The following LARP1B variants were observed in gnomAD, a reference collection of about 807,000 sequenced individuals.
LARP1B encodes the protein La ribonucleoprotein 1B, also known as la-related protein 1B.
A neutral mutation model predicts 114.2 loss-of-function variants in LARP1B; 76 were observed. That is an observed-to-expected ratio of 0.67 (90% confidence interval 0.55 to 0.81). The LOEUF is 0.81. Among genes scored for constraint, LARP1B ranks in the 30% least tolerant of loss-of-function variants. The probability of loss-of-function intolerance (pLI) is 0.00; values close to 1 mark genes in which losing one functional copy is unlikely to be tolerated. For synonymous variants in LARP1B, 345 were observed against 348.0 expected, an observed-to-expected ratio of 0.99 and a Z score of 0.10; for missense variants, 1,014 against 1,075.8, an observed-to-expected ratio of 0.94 and a Z score of 0.80.
At chr4:128,077,248 A>G (rs1028278355) in intron 3 of LARP1B, among the ~76,000 whole-genome samples, 2 of 152,216 alleles carry the variant, frequency 1.3e-5, no homozygotes, top group East Asian at 3.9e-4. Flanking sequence ...CGTGTATCGC[A>G]GCACTTTGGG....
chr4:128,132,897 G>C (rs1010924857), intron 11 of LARP1B, among the ~76,000 whole-genome samples: 1 of 151,774 alleles, frequency 6.6e-6, no homozygotes, highest in South Asian at 2.1e-4. Context: ...TTGTTTTTCT[G>C]CAACTAGATG....
chr4:128,196,248 CAAAAAAAAAAA>C (rs35423896), intron 15 of LARP1B, among the ~76,000 whole-genome samples: 2 of 88,614 alleles, frequency 2.3e-5, no homozygotes, highest in African/African-American at 8.8e-5. Flanking sequence ...GAGAGTCTGT[CAAAAAAAAAAA>C]AAAAAAAAGA....
At chr4:128,061,309 G>A (rs1252484023), upstream of LARP1B, 2 of 152,426 alleles carry the variant, frequency 1.3e-5, no homozygotes, top group Non-Finnish European at 2.9e-5. Context: ...CGCCTCCGCG[G>A]GCAGTTACCA....
chr4:128,197,525 C>G (rs1281541553), intron 15 of LARP1B, among the ~76,000 whole-genome samples: 1 of 152,062 alleles, frequency 6.6e-6, no homozygotes, highest in East Asian at 1.9e-4. Context: ...GAAACCCCAT[C>G]TCTACTAAAA....
At chr4:128,109,278 A>G (rs192998670) in intron 9 of LARP1B, among the ~76,000 whole-genome samples, 15 of 152,324 alleles carry the variant, frequency 9.8e-5, no homozygotes, top group Admixed American at 8.5e-4. Flanking sequence ...TGAGTAGAGA[A>G]AAGTAGTGAA....
chr4:128,096,879 C>T lies in LARP1B; in HGVS notation c.669-1307C>T, dbSNP rs144953225. On this transcript the variant is annotated intron_variant, in intron 7 of 19. Coordinates refer to ENST00000326639, the MANE Select transcript of LARP1B (RefSeq NM_018078.4). ...CCTCCCAAAGTGCTGGGATTACAGGCGTGAGCCACCATGCCTGGCTAACGT... is the reference window on the plus strand; with the variant it reads ...CCTCCCAAAGTGCTGGGATTACAGGTGTGAGCCACCATGCCTGGCTAACGT... Among the ~76,000 whole-genome samples the T allele has an allele frequency of 7.0e-3, 1,070 of 152,176 alleles. 16 individuals are homozygous for T. The highest frequency in any genetic ancestry group is 0.024 in the African/African-American group (1,008 of 41,510).
At chr4:128,171,254 G>A (rs568958925) in intron 12 of LARP1B, among the ~76,000 whole-genome samples, 3 of 151,914 alleles carry the variant, frequency 2.0e-5, no homozygotes, top group East Asian at 1.9e-4. Flanking sequence ...TCAGCCTCCC[G>A]AGTAGGTCGG....
At chr4:128,068,598 C>A (rs1049314292) in intron 1 of LARP1B, among the ~76,000 whole-genome samples, 6 of 151,654 alleles carry the variant, frequency 4.0e-5, no homozygotes, top group African/African-American at 1.5e-4. Flanking sequence ...TTTTTTGAGA[C>A]AGGGTCTCAC....
In LARP1B at chr4:128,075,012, T is replaced by A; in HGVS notation, c.42+19T>A. 1 of 1,184,470 alleles carries A rather than the reference T, an allele frequency of 8.4e-7. No homozygotes were observed. Among genetic ancestry groups the A allele is most frequent in the Non-Finnish European group, 1.2e-6 (1 of 853,356 alleles). The allele number at this position is 1,184,470 out of a possible 1,614,324, so 73.4% of individuals were successfully genotyped here. A position where few individuals can be genotyped will look rare whatever the true frequency, so the allele number is the denominator to read the frequency against. ...CACTGGAGTGAGTATTGTTTTAAAG[T>A]TTTTTTTTTTAAAGAAAGGAAAATG... On this transcript the variant is annotated intron_variant, in intron 3 of 19. Transcript: ENST00000326639.
chr4:128,062,071 C>G, intron 1 of LARP1B: 4 of 985,402 alleles, frequency 4.1e-6, no homozygotes, highest in Non-Finnish European at 4.8e-6. Context: ...CCGAGGACGC[C>G]CGGGAAGAGG....
chr4:128,098,767 A>ATATATATATTTTTTTT (rs1328165907), intron 8 of LARP1B, among the ~76,000 whole-genome samples: 1 of 35,034 alleles, frequency 2.9e-5, no homozygotes, highest in Non-Finnish European at 4.8e-5. Context: ...ATATATATAT[A>ATATATATATTTTTTTT]TTTTTTTTTT....
chr4:128,073,425 A>G (rs1766213986), intron 1 of LARP1B, among the ~76,000 whole-genome samples: 3 of 130,080 alleles, frequency 2.3e-5, no homozygotes, highest in Non-Finnish European at 4.9e-5. Context: ...TCTCAAAAAA[A>G]AAAAAAAAAA....
chr4:128,213,899 A>C (rs1483913951), downstream of LARP1B, among the ~76,000 whole-genome samples: 9 of 150,750 alleles, frequency 6.0e-5, no homozygotes, highest in South Asian at 2.1e-4. Flanking sequence ...TACCGGGTTC[A>C]TCTCACTAGG....
At chr4:128,213,893 G>A (rs1227258991), downstream of LARP1B, among the ~76,000 whole-genome samples, 3 of 151,874 alleles carry the variant, frequency 2.0e-5, no homozygotes, top group Non-Finnish European at 4.4e-5. Flanking sequence ...CTGAGGTACC[G>A]GGTTCATCTC....
At chr4:128,140,834 T>TTTTTTTTTTTGTC (rs1453647346) in intron 11 of LARP1B, among the ~76,000 whole-genome samples, 1 of 151,042 alleles carries the variant, frequency 6.6e-6, no homozygotes, top group Admixed American at 6.6e-5. Flanking sequence ...GTTTTTTTTT[T>TTTTTTTTTTTGTC]TGGCAGAGTC....
chr4:128,093,448 T>A (rs1010894901), intron 7 of LARP1B, among the ~76,000 whole-genome samples: 1 of 151,774 alleles, frequency 6.6e-6, no homozygotes, highest in African/African-American at 2.4e-5. Flanking sequence ...TACAAAAAAT[T>A]AGCCGGGCGC....
chr4:128,122,245 T>G, intron 11 of LARP1B, 57 bp downstream of exon 11: 1 of 1,575,432 alleles, frequency 6.3e-7, no homozygotes, highest in Non-Finnish European at 8.6e-7. Context: ...TGTATGTTGC[T>G]GTTTATATTT....
Position 128,108,098 on chromosome 4 carries a change from T to C in LARP1B, c.988+785T>C, listed in dbSNP as rs571388124. 3,619 of 1,390,154 alleles carry C rather than the reference T, an allele frequency of 2.6e-3. 3 individuals carry two copies. Among genetic ancestry groups the C allele is most frequent in the Admixed American group, 3.4e-3 (106 of 31,072 alleles). 86.1% of individuals were successfully genotyped at this position (1,390,154 alleles called of 1,614,324 possible). The stretch of plus-strand genomic sequence containing the variant: ...GTGGAGATAACCACCTTTGCGATAA[T>C]GAGAGACAGACCAGAGGACTGCTAC... On this transcript the variant is annotated intron_variant, in intron 9 of 19. Coordinates refer to ENST00000326639, the MANE Select transcript of LARP1B (RefSeq NM_018078.4).
Position 128,200,870 on chromosome 4 carries a change from C to T in LARP1B, c.2309+205C>T, listed in dbSNP as rs568474084. ...TTTTCTATTTCTGCATTGCAAATTA[C>T]CCCAAAACTCCATAGGTTAAAACAA... On this transcript the variant is annotated intron_variant, in intron 17 of 19. Transcript: ENST00000326639. 2.4e-3 allele frequency among the ~76,000 whole-genome samples: 362 copies of T among 152,284 alleles called. 3 individuals are homozygous for T. The highest frequency in any genetic ancestry group is 8.3e-3 in the African/African-American group (344 of 41,560).
Sources: allele counts gnomAD v4.1 joint callset (sites outside exome capture counted in the v4.1 genomes callset), GRCh38; gene constraint gnomAD v4.1.1; transcripts MANE v1.5; gene names NCBI Gene and HGNC (gene_info 2026-07-23, HGNC 2026-07-21).